Variants in FAM184B observed in about 807,000 individuals in gnomAD.
The protein encoded by FAM184B is family with sequence similarity 184 member B, also known as protein FAM184B.
In FAM184B, 111 loss-of-function variants were observed where a neutral mutation model predicts 135.9. The ratio of observed to expected loss-of-function variants is 0.82; its 90% CI spans 0.70 to 0.96. FAM184B has a LOEUF of 0.96. Among genes scored for constraint, FAM184B ranks in the 40% least tolerant of loss-of-function variants. The pLI is 0.00. For missense variants in FAM184B, 1,375 were observed against 1,323.9 expected, an observed-to-expected ratio of 1.04 and a Z score of -0.60; for synonymous variants, 552 against 524.8, an observed-to-expected ratio of 1.05 and a Z score of -0.71.
chr4:17,642,027 G>C (rs1215437288), intron 13 of FAM184B, 29 bp downstream of exon 13: 2 of 1,508,234 alleles, frequency 1.3e-6, no homozygotes, highest in Admixed American at 2.0e-5. Flanking sequence ...TGAGGGTGGC[G>C]CGGTGGCGGG....
chr4:17,636,392 C>T (rs930241169), intron 15 of FAM184B, 136 bp downstream of exon 15: 14 of 709,350 alleles, frequency 2.0e-5, no homozygotes, highest in Non-Finnish European at 3.1e-5. Context: ...CTTGAGCCAC[C>T]GCGCACGGCA....
chr4:17,715,722 C>T (rs1011378745), intron 1 of FAM184B, among the ~76,000 whole-genome samples: 2 of 152,038 alleles, frequency 1.3e-5, no homozygotes, highest in African/African-American at 4.8e-5. Context: ...ATCACATTTG[C>T]ATACATCAAA....
chr4:17,778,374 A>C (rs956986800), intron 1 of FAM184B, among the ~76,000 whole-genome samples: 1 of 152,132 alleles, frequency 6.6e-6, no homozygotes, highest in African/African-American at 2.4e-5. Flanking sequence ...CAAAATTAAG[A>C]CATTTCCAAC....
intron 1 of FAM184B, among the ~76,000 whole-genome samples, chr4:17,738,753 G>T (rs531526092): frequency 6.6e-6 from 1 of 152,258 alleles, no homozygotes; most frequent in East Asian, 1.9e-4. Context: ...CCTAATGGGG[G>T]TGTTTGGGTC....
rs758105396 is a variant in FAM184B at position 17,633,567 on chromosome 4, G to A, written c.3089+122C>T. 39 of 891,610 alleles carry A rather than the reference G, an allele frequency of 4.4e-5. 1 individual carries two copies. Among genetic ancestry groups the A allele is most frequent in the Middle Eastern group, 3.7e-4 (1 of 2,722 alleles). 55.2% of individuals were successfully genotyped at this position (891,610 alleles called of 1,614,324 possible). A position where few individuals can be genotyped will look rare whatever the true frequency, so the allele number is the denominator to read the frequency against. On this transcript the variant is annotated intron_variant, in intron 17 of 17. Transcript: ENST00000265018. ...TCAGGTAAGTGATTCAGTGTCCCTT[G>A]TCTAATCATCCATGAAAAAAGGCCT...
chr4:17,684,959 A>G (rs1716543576), intron 7 of FAM184B, among the ~76,000 whole-genome samples: 1 of 152,070 alleles, frequency 6.6e-6, no homozygotes, highest in African/African-American at 2.4e-5. Flanking sequence ...ACCAAACACC[A>G]TATGTTCTCA....
At position 17,641,992 on chromosome 4, in the gene FAM184B, GGA is replaced by G. The variant is rs1715330702; in HGVS notation, c.2519+62_2519+63del. ...TCAGGCTCAGCCAGCCGCAGTAGGG[GGA>G]GGGGGGGTGGCGGGGTAGGGGGTGA... is the stretch of plus-strand genomic sequence containing the variant. On this transcript the variant is annotated intron_variant, in intron 13 of 17. Coordinates refer to ENST00000265018, the MANE Select transcript of FAM184B (RefSeq NM_015688.2). 4.9e-5 allele frequency: 72 copies of G among 1,472,816 alleles called. No homozygotes were observed. The African/African-American group carries it at 7.5e-4, about 15-fold the overall frequency. 91.2% of individuals were successfully genotyped at this position (1,472,816 alleles called of 1,614,324 possible).
chr4:17,716,543 A>C (rs1717404413), intron 1 of FAM184B, among the ~76,000 whole-genome samples: 1 of 151,802 alleles, frequency 6.6e-6, no homozygotes, highest in African/African-American at 2.4e-5. Context: ...ACAGGGTCTC[A>C]TTATGTTGCC....
intron 1 of FAM184B, among the ~76,000 whole-genome samples, chr4:17,720,791 C>T (rs553377922): frequency 4.0e-4 from 58 of 145,528 alleles, no homozygotes; most frequent in South Asian, 1.1e-3. Flanking sequence ...GAGGCTGAGG[C>T]GGAAGAATCG....
intron 6 of FAM184B, among the ~76,000 whole-genome samples, chr4:17,692,502 T>C (rs10939757): frequency 0.6 from 90,809 of 152,130 alleles, 27,702 homozygotes; most frequent in East Asian, 0.87. Flanking sequence ...CAGCTGCAGC[T>C]CCTTACAGTC....
intron 7 of FAM184B, among the ~76,000 whole-genome samples, chr4:17,667,946 C>T (rs1416725881): frequency 1.3e-5 from 2 of 152,176 alleles, no homozygotes; most frequent in African/African-American, 4.8e-5. Flanking sequence ...CTATCCTGGG[C>T]CTGTGTGTAC....
intron 1 of FAM184B, among the ~76,000 whole-genome samples, chr4:17,741,130 C>T (rs1412618193): frequency 1.3e-5 from 2 of 152,202 alleles, no homozygotes; most frequent in African/African-American, 4.8e-5. Flanking sequence ...GTGCTTTAAA[C>T]ACACCTGGGT....
chr4:17,741,698 C>T (rs1718038779), intron 1 of FAM184B, among the ~76,000 whole-genome samples: 1 of 151,932 alleles, frequency 6.6e-6, no homozygotes. Flanking sequence ...ATCTCAAAAA[C>T]AAAACAAAAC....
chr4:17,732,002 A>G (rs1017803444), intron 1 of FAM184B, among the ~76,000 whole-genome samples: 1 of 152,230 alleles, frequency 6.6e-6, no homozygotes, highest in Non-Finnish European at 1.5e-5. Flanking sequence ...ACCACAGTGC[A>G]ATCAAACTAG....
At chr4:17,732,829 C>A (rs1717814917) in intron 1 of FAM184B, among the ~76,000 whole-genome samples, 2 of 152,182 alleles carry the variant, frequency 1.3e-5, no homozygotes, top group Non-Finnish European at 1.5e-5. Context: ...CTCCCTAACT[C>A]ATTTTATGAG....
intron 1 of FAM184B, among the ~76,000 whole-genome samples, chr4:17,740,489 A>G (rs549943036): frequency 6.6e-6 from 1 of 152,100 alleles, no homozygotes; most frequent in African/African-American, 2.4e-5. Flanking sequence ...GTAATTCAGG[A>G]AGTACTTTGG....
chr4:17,758,320 A>G (rs772346660), intron 1 of FAM184B, among the ~76,000 whole-genome samples: 4 of 152,256 alleles, frequency 2.6e-5, no homozygotes, highest in Non-Finnish European at 5.9e-5. Flanking sequence ...GATAAATCTT[A>G]GTATCCGTTT....
chr4:17,723,513 A>G (rs951632948), intron 1 of FAM184B, among the ~76,000 whole-genome samples: 1 of 152,314 alleles, frequency 6.6e-6, no homozygotes, highest in Middle Eastern at 3.4e-3. Flanking sequence ...TTTATGGGTT[A>G]TGGGTCAGAT....
At chr4:17,686,085 C>T (rs1280796164) in intron 7 of FAM184B, among the ~76,000 whole-genome samples, 2 of 152,188 alleles carry the variant, frequency 1.3e-5, no homozygotes, top group East Asian at 3.9e-4. Flanking sequence ...GCCACAGTCA[C>T]TTTGAGGAGC....
Sources: allele counts gnomAD v4.1 joint callset (sites outside exome capture counted in the v4.1 genomes callset), GRCh38; gene constraint gnomAD v4.1.1; transcripts MANE v1.5; gene names NCBI Gene and HGNC (gene_info 2026-07-23, HGNC 2026-07-21).